Variants in EPM2A observed in about 807,000 individuals in gnomAD.
The protein encoded by EPM2A is EPM2A glucan phosphatase, laforin.
A neutral mutation model predicts 26.5 loss-of-function variants in EPM2A; 21 were observed. That is an observed-to-expected ratio of 0.79 (90% CI 0.56 to 1.14). EPM2A has a LOEUF of 1.14. EPM2A is among the 50% of genes most tolerant of loss of function. The pLI, the probability that EPM2A is intolerant of heterozygous loss-of-function variation, is 0.00. For missense variants in EPM2A, 458 were observed against 440.8 expected, an observed-to-expected ratio of 1.04 and a Z score of -0.35; for synonymous variants, 217 against 177.6, an observed-to-expected ratio of 1.22 and a Z score of -1.76.
chr6:145,700,847 G>C (rs984077487), intron 1 of EPM2A, among the ~76,000 whole-genome samples: 1 of 152,134 alleles, frequency 6.6e-6, no homozygotes, highest in Non-Finnish European at 1.5e-5. Flanking sequence ...AAATAATTTA[G>C]TAAAACACTC....
chr6:145,491,429 C>G (rs1779753828), intron 4 of EPM2A, among the ~76,000 whole-genome samples: 1 of 152,128 alleles, frequency 6.6e-6, no homozygotes. Context: ...ACCCTCCATC[C>G]CCAGCTGGAC....
At position 145,625,434 on chromosome 6, in the gene EPM2A, C is replaced by T. The variant is rs866003628; in HGVS notation, c.*1982G>A. The T allele has an allele frequency of 3.3e-5, 15 of 450,566 alleles. No individual in the cohort carries two copies. Among genetic ancestry groups the T allele is most frequent in the South Asian group, 6.4e-5 (2 of 31,082 alleles). 27.9% of individuals were successfully genotyped at this position (450,566 alleles called of 1,614,324 possible). On this transcript the variant is annotated 3_prime_UTR_variant, in exon 4 of 4. Transcript: ENST00000367519. Reference sequence around the variant, plus strand: ...ATAGTCCTAAACTGATTTTGTCTATCAGAGCAAAAGGAACAAAGGTAAAAA... The same window carrying T: ...ATAGTCCTAAACTGATTTTGTCTATTAGAGCAAAAGGAACAAAGGTAAAAA...
chr6:145,451,788 A>T (rs995893191), intron 4 of EPM2A, among the ~76,000 whole-genome samples: 4 of 152,182 alleles, frequency 2.6e-5, no homozygotes, highest in Admixed American at 6.5e-5. Context: ...ATTATTTTTT[A>T]ATTTTAATTT....
intron 2 of EPM2A, among the ~76,000 whole-genome samples, chr6:145,590,840 A>T (rs1781264495): frequency 6.6e-6 from 1 of 152,214 alleles, no homozygotes; most frequent in South Asian, 2.1e-4. Context: ...AATAACAGGC[A>T]TACTAAAAGA....
At chr6:145,411,618 A>G (rs923949398) in intron 4 of EPM2A, among the ~76,000 whole-genome samples, 11 of 152,204 alleles carry the variant, frequency 7.2e-5, no homozygotes, top group Admixed American at 3.9e-4. Flanking sequence ...TTTTAAAATT[A>G]TTTTATTAGA....
At chr6:145,421,751 G>T (rs1460578184) in intron 4 of EPM2A, among the ~76,000 whole-genome samples, 1 of 151,658 alleles carries the variant, frequency 6.6e-6, no homozygotes, top group East Asian at 1.9e-4. Flanking sequence ...TAAAACATAT[G>T]TGTTATCTAT....
chr6:145,577,984 T>G (rs889238622), intron 2 of EPM2A, among the ~76,000 whole-genome samples: 1 of 152,030 alleles, frequency 6.6e-6, no homozygotes, highest in Non-Finnish European at 1.5e-5. Context: ...GAAGAAAATT[T>G]AAAAATTTCT....
At chr6:145,544,349 C>G (rs148780607) in intron 2 of EPM2A, among the ~76,000 whole-genome samples, 2 of 152,298 alleles carry the variant, frequency 1.3e-5, no homozygotes, top group East Asian at 3.9e-4. Flanking sequence ...TTCTCAATAA[C>G]TGGGCTGCTG....
chr6:145,530,727 G>T (rs1021695267), intron 2 of EPM2A, among the ~76,000 whole-genome samples: 1 of 152,180 alleles, frequency 6.6e-6, no homozygotes, highest in Non-Finnish European at 1.5e-5. Context: ...ATCCACCTGG[G>T]AGGCAGAAAT....
chr6:145,547,208 A>T (rs1008638730), intron 2 of EPM2A, among the ~76,000 whole-genome samples: 1 of 152,118 alleles, frequency 6.6e-6, no homozygotes, highest in Non-Finnish European at 1.5e-5. Flanking sequence ...CAACAGTTTC[A>T]AATTCAAAAT....
chr6:145,697,142 T>C (rs772429702), intron 1 of EPM2A, among the ~76,000 whole-genome samples: 11 of 152,080 alleles, frequency 7.2e-5, no homozygotes, highest in Non-Finnish European at 1.2e-4. Context: ...CTATTTTCCC[T>C]AAGTGTCAGC....
At chr6:145,639,983 T>C (rs1776969986) in intron 2 of EPM2A, 1 of 152,198 alleles carries the variant, frequency 6.6e-6, no homozygotes, top group Non-Finnish European at 1.5e-5. Flanking sequence ...ATGGCTGACA[T>C]TCTGGAACCT....
chr6:145,436,826 T>G (rs1225987513), intron 4 of EPM2A, among the ~76,000 whole-genome samples: 1 of 152,096 alleles, frequency 6.6e-6, no homozygotes, highest in Non-Finnish European at 1.5e-5. Flanking sequence ...ATTTTTTATT[T>G]TATTTGTTTT....
chr6:145,581,654 C>T (rs536978773), intron 2 of EPM2A, among the ~76,000 whole-genome samples: 4 of 152,254 alleles, frequency 2.6e-5, no homozygotes, highest in African/African-American at 9.6e-5. Flanking sequence ...TTTAATCCAT[C>T]TTGAGTTGAG....
At chr6:145,664,197 C>G (rs1280477445) in intron 2 of EPM2A, among the ~76,000 whole-genome samples, 1 of 86,204 alleles carries the variant, frequency 1.2e-5, no homozygotes, top group Non-Finnish European at 2.3e-5. Context: ...ACTAAATTCT[C>G]CAATTAAAAG....
chr6:145,686,299 A>T lies in EPM2A; in HGVS notation c.302-3T>A, dbSNP rs749807094. ...ACGGTCATGATGAGGTCCATTGCCT[A>T]GAACAAGAAAAAATGATAAACAGAG... On this transcript the variant is annotated splice_polypyrimidine_tract_variant and splice_region_variant and intron_variant, in intron 1 of 3. Transcript: ENST00000367519. 6.2e-7 allele frequency: 1 copy of T among 1,612,510 alleles called. No individual in the cohort carries two copies. Among genetic ancestry groups the T allele is most frequent in the East Asian group, 2.2e-5 (1 of 44,866 alleles).
chr6:145,395,527 G>A (rs970656751), intron 4 of EPM2A, among the ~76,000 whole-genome samples: 5 of 151,916 alleles, frequency 3.3e-5, no homozygotes, highest in South Asian at 2.1e-4. Context: ...AAAAAACAAC[G>A]AGAGCCCCTC....
At chr6:145,539,500 G>A (rs1780478379) in intron 2 of EPM2A, among the ~76,000 whole-genome samples, 1 of 152,204 alleles carries the variant, frequency 6.6e-6, no homozygotes, top group Non-Finnish European at 1.5e-5. Flanking sequence ...AGGAGAATTT[G>A]TTGGTTGCAC....
chr6:145,462,526 C>A (rs1355410346), intron 4 of EPM2A, among the ~76,000 whole-genome samples: 2 of 152,134 alleles, frequency 1.3e-5, no homozygotes, highest in Non-Finnish European at 2.9e-5. Flanking sequence ...TTGTCACATA[C>A]CTACCTTGAG....
Sources: allele counts gnomAD v4.1 joint callset (sites outside exome capture counted in the v4.1 genomes callset), GRCh38; gene constraint gnomAD v4.1.1; transcripts MANE v1.5; gene names NCBI Gene and HGNC (gene_info 2026-07-23, HGNC 2026-07-21).